Variants in TARBP1 observed in about 807,000 individuals in gnomAD.
TARBP1 encodes the protein tRNA guanosine 2 -O-methyltransferase TARBP1.
TARBP1 carries 144 observed loss-of-function variants against 178.6 expected under a neutral mutation model. That is an observed-to-expected ratio of 0.81 (90% CI 0.70 to 0.93). The LOEUF is 0.93. Ranked by LOEUF, TARBP1 falls within the 40% of genes least tolerant of loss-of-function variation. TARBP1 has a pLI of 0.00. For synonymous variants in TARBP1, 787 were observed against 781.0 expected (o/e 1.01, Z -0.13); for missense variants, 2,067 against 2,011.7 (o/e 1.03, Z -0.53).
intron 1 of TARBP1, among the ~76,000 whole-genome samples, chr1:234,477,955 G>C (rs1172945504): frequency 6.6e-6 from 1 of 152,116 alleles, no homozygotes; most frequent in Non-Finnish European, 1.5e-5. Context: ...ACCGGCTCTG[G>C]GTTAGAACGT....
At chr1:234,475,200 A>G (rs1272229686) in intron 1 of TARBP1, among the ~76,000 whole-genome samples, 1 of 152,180 alleles carries the variant, frequency 6.6e-6, no homozygotes, top group Admixed American at 6.5e-5. Context: ...AGCAGGACTA[A>G]CTAGAGAGGC....
Position 234,479,077 on chromosome 1 carries a change from C to T in TARBP1, c.27G>A (p.Leu9=). 6.5e-7 allele frequency: 1 copy of T among 1,539,694 alleles called. No homozygotes were observed. Among genetic ancestry groups the T allele is most frequent in the Non-Finnish European group, 8.6e-7 (1 of 1,156,160 alleles). The change falls in exon 1 of 30, where the codon CTG becomes CTA. Residue 9 remains leucine, a synonymous_variant. Transcript: ENST00000040877. ...CCCGGGGGTCCCGGCTCTGCGAGAG[C>T]AGCGCTTCCGCGAGCACCCACTCCA... MEWVLAEA[L]LSQSRDPRAL... is the part of the protein sequence containing the mutation.
Position 234,425,789 on chromosome 1 carries a change from T to C in TARBP1, c.3328A>G (p.Lys1110Glu), listed in dbSNP as rs1226221884. The C allele has an allele frequency of 1.3e-6, 2 of 1,556,616 alleles. No homozygotes were observed. Among genetic ancestry groups the C allele is most frequent in the Non-Finnish European group, 1.7e-6 (2 of 1,144,714 alleles). ...ATTCTCACATAATGGTCTTCTCTCT[T>C]AGTACTAAAAAAATTAAATGATAAA... ...CAANIVMENT[K>E]REDHYVRICA... is the part of the protein sequence containing the mutation. The change falls in exon 20 of 30, where the codon AAG becomes GAG. Residue 1110 changes from lysine (K) to glutamate (E), a missense_variant. By Grantham distance (56) the Lys-to-Glu change is moderately conservative. Transcript: ENST00000040877.
At chr1:234,472,576 C>T in intron 2 of TARBP1, 138 bp downstream of exon 2, 1 of 571,018 alleles carries the variant, frequency 1.8e-6, no homozygotes, top group South Asian at 2.7e-5. Flanking sequence ...GCATTTATGC[C>T]AGACAACAAA....
intron 22 of TARBP1, among the ~76,000 whole-genome samples, chr1:234,410,963 T>C (rs1390134629): frequency 6.6e-6 from 1 of 152,136 alleles, no homozygotes; most frequent in Non-Finnish European, 1.5e-5. Flanking sequence ...TCCCAGCTAC[T>C]GGGGAGGCTG....
At chr1:234,393,156 T>A (rs1321014736) in intron 28 of TARBP1, among the ~76,000 whole-genome samples, 3 of 152,186 alleles carry the variant, frequency 2.0e-5, no homozygotes, top group Non-Finnish European at 4.4e-5. Flanking sequence ...AAAACAGAAG[T>A]GAGCTGTATG....
rs1160411119 is a variant in TARBP1, at chr1:234,472,329, C to CAAAAA, written c.1029+380_1029+384dup. Among the ~76,000 whole-genome samples, 27 of 46,074 alleles carry CAAAAA rather than the reference C, an allele frequency of 5.9e-4. 2 individuals are homozygous for CAAAAA. The highest frequency in any genetic ancestry group is 8.6e-4 in the Non-Finnish European group (20 of 23,332). 30.2% of individuals were successfully genotyped at this position (46,074 alleles called of 152,430 possible). A position where few individuals can be genotyped will look rare whatever the true frequency, so the allele number is the denominator to read the frequency against. The stretch of plus-strand genomic sequence containing the variant: ...GGGCGAGAGAGCAAGACTCTGTCTC[C>CAAAAA]AAAAAAAAAAAAAAAAAAAAAAAAA... On this transcript the variant is annotated intron_variant, in intron 2 of 29. Coordinates refer to ENST00000040877, the MANE Select transcript of TARBP1 (RefSeq NM_005646.4).
Position 234,427,632 on chromosome 1 carries a change from A to G in TARBP1, c.3195T>C (p.Tyr1065=). The G allele has an allele frequency of 6.3e-7, 1 of 1,599,676 alleles. No individual in the cohort carries two copies. The highest frequency in any genetic ancestry group is 8.5e-7 in the Non-Finnish European group (1 of 1,176,362). ...SQGSLSSAKN[Y]SELILEACIF... ...TACAAGCCTCAAGGATAAGTTCGCT[A>G]TAATTTTTAGCACTTGATAAAGATC... The change falls in exon 18 of 30, where the codon TAT becomes TAC. Residue 1065 remains tyrosine (Y), a synonymous_variant. Transcript: ENST00000040877.
intron 9 of TARBP1, among the ~76,000 whole-genome samples, chr1:234,451,855 T>C (rs1666812320): frequency 6.6e-6 from 1 of 151,168 alleles, no homozygotes. Flanking sequence ...CTAAAGGAGG[T>C]TGTTCTGTGT....
chr1:234,463,869 GT>G lies in TARBP1; in HGVS notation c.1366del (p.Thr456LeufsTer10). ...TTCTTCTGGAAGAAGAGAAATATAAGTGACTAAAAACTTCTGTAATTTCAGT... is the reference window on the plus strand; with the variant it reads ...TTCTTCTGGAAGAAGAGAAATATAAGGACTAAAAACTTCTGTAATTTCAGT... Reference protein sequence around the residue: ...LGLKLQKFLVTYISLLPEEIK... With the variant: ...LGLKLQKFLVXYISLLPEEIK... On this transcript the variant is annotated frameshift_variant, in exon 6 of 30. Coordinates refer to ENST00000040877, the MANE Select transcript of TARBP1 (RefSeq NM_005646.4). LOFTEE classifies it high-confidence loss of function. 6.3e-7 allele frequency: 1 copy of G among 1,595,268 alleles called. No homozygotes were observed. The highest frequency in any genetic ancestry group is 8.5e-7 in the Non-Finnish European group (1 of 1,170,612).
At chr1:234,463,118 TG>T (rs1453160050) in intron 6 of TARBP1, among the ~76,000 whole-genome samples, 1 of 90,980 alleles carries the variant, frequency 1.1e-5, no homozygotes, top group Non-Finnish European at 2.5e-5. Context: ...ATAAAACAAG[TG>T]TTTTTTTGTT....
intron 12 of TARBP1, among the ~76,000 whole-genome samples, chr1:234,444,502 A>G (rs1451462783): frequency 2.0e-5 from 3 of 152,200 alleles, no homozygotes; most frequent in African/African-American, 7.2e-5. Flanking sequence ...AGGCTGGAGG[A>G]AAACACAGCC....
intron 26 of TARBP1, chr1:234,398,152 T>C (rs1660323893): frequency 3.5e-6 from 1 of 286,440 alleles, no homozygotes; most frequent in Non-Finnish European, 6.3e-6. Context: ...CAGATCAGGC[T>C]TCCTTTGGCT....
At chr1:234,416,036 C>T (rs1266503881) in intron 22 of TARBP1, among the ~76,000 whole-genome samples, 3 of 152,288 alleles carry the variant, frequency 2.0e-5, no homozygotes, top group South Asian at 2.1e-4. Context: ...GGTCTAATGA[C>T]GAGTGAGAGG....
intron 22 of TARBP1, among the ~76,000 whole-genome samples, chr1:234,416,983 G>A (rs1345627912): frequency 6.6e-6 from 1 of 152,172 alleles, no homozygotes; most frequent in Non-Finnish European, 1.5e-5. Flanking sequence ...AGGGAAGCAA[G>A]TATGTGAAGG....
In TARBP1 at chr1:234,446,980, A is replaced by G. The variant is rs1343598872; in HGVS notation, c.1962-5T>C. ...TTCTCTGTTCTCTGCTTTCCGCTAGACATTAAAAGACATGCCAAAATCAAC... is the reference window on the plus strand; with the variant it reads ...TTCTCTGTTCTCTGCTTTCCGCTAGGCATTAAAAGACATGCCAAAATCAAC... On this transcript the variant is annotated splice_region_variant and splice_polypyrimidine_tract_variant and intron_variant, in intron 11 of 29. Coordinates refer to ENST00000040877, the MANE Select transcript of TARBP1 (RefSeq NM_005646.4). 6.2e-7 allele frequency: 1 copy of G among 1,611,254 alleles called. No homozygotes were observed. Among genetic ancestry groups the G allele is most frequent in the Admixed American group, 1.7e-5 (1 of 59,554 alleles).
At chr1:234,463,086 T>C (rs1668053776) in intron 6 of TARBP1, among the ~76,000 whole-genome samples, 1 of 152,056 alleles carries the variant, frequency 6.6e-6, no homozygotes, top group Admixed American at 6.6e-5. Context: ...AGATGGGGGA[T>C]GGTTCTAGGA....
intron 25 of TARBP1, chr1:234,400,971 G>A: frequency 2.5e-6 from 1 of 397,480 alleles, no homozygotes; most frequent in Admixed American, 4.2e-5. Flanking sequence ...AAGTGAAAAT[G>A]ACTAGCCAAT....
intron 5 of TARBP1, among the ~76,000 whole-genome samples, chr1:234,465,327 T>C (rs941085030): frequency 1.3e-5 from 2 of 152,148 alleles, no homozygotes; most frequent in African/African-American, 4.8e-5. Flanking sequence ...AAGTTTAAAG[T>C]GTTGGTTAGT....
Sources: allele counts gnomAD v4.1 joint callset (sites outside exome capture counted in the v4.1 genomes callset), GRCh38; gene constraint gnomAD v4.1.1; transcripts MANE v1.5; gene names NCBI Gene and HGNC (gene_info 2026-07-23, HGNC 2026-07-21).